Variants in CD164L2 observed in about 807,000 individuals in gnomAD.
The protein encoded by CD164L2 is CD164 sialomucin-like 2 protein.
Under a neutral mutation model 23.9 loss-of-function variants are expected in CD164L2, and 21 were observed. The ratio of observed to expected loss-of-function variants is 0.88; its 90% CI spans 0.62 to 1.27. CD164L2 has a LOEUF of 1.27. CD164L2 is among the 50% of genes most tolerant of loss of function. The pLI is 0.00. For missense variants in CD164L2, 230 were observed against 224.8 expected (o/e 1.02, Z -0.15); for synonymous variants, 92 against 90.2 (o/e 1.02, Z -0.11).
chr1:27,382,935 G>A (rs1437632844), intron 1 of CD164L2, among the ~76,000 whole-genome samples: 1 of 151,928 alleles, frequency 6.6e-6, no homozygotes, highest in Non-Finnish European at 1.5e-5. Flanking sequence ...ACCTCCCCCA[G>A]ACCACCTGAA....
rs958726145 is a variant in CD164L2, at chr1:27,379,377, C to T, written c.*126G>A. The stretch of plus-strand genomic sequence containing the variant: ...TCAGACACTGAGCCTGCTTGGTGCC[C>T]GCAGGAGCCAAAAACTGGCGGCCAG... On this transcript the variant is annotated 3_prime_UTR_variant, in exon 6 of 6. Coordinates refer to ENST00000374030, the MANE Select transcript of CD164L2 (RefSeq NM_001330448.1). 33 of 880,752 alleles carry T rather than the reference C, an allele frequency of 3.7e-5. No homozygotes were observed. The highest frequency in any genetic ancestry group is 2.3e-4 in the African/African-American group (14 of 60,038). The allele number at this position is 880,752 out of a possible 1,614,324, so 54.6% of individuals were successfully genotyped here. A position where few individuals can be genotyped will look rare whatever the true frequency, so the allele number is the denominator to read the frequency against.
chr1:27,379,331 G>C lies in CD164L2; in HGVS notation c.*172C>G. ...TCTCAGCTGCAGGTTCCAGGCCCAG[G>C]ACAGGAGGAGATGTCAGGCATCAGA... On this transcript the variant is annotated 3_prime_UTR_variant, in exon 6 of 6. Coordinates refer to ENST00000374030, the MANE Select transcript of CD164L2 (RefSeq NM_001330448.1). 1.5e-6 allele frequency: 1 copy of C among 650,284 alleles called. No homozygotes were observed. The highest frequency in any genetic ancestry group is 2.8e-6 in the Non-Finnish European group (1 of 356,916). 40.3% of individuals were successfully genotyped at this position (650,284 alleles called of 1,614,324 possible).
rs1214695453 is a variant in CD164L2, at chr1:27,381,814, G to A, written c.339C>T (p.His113=). The change falls in exon 4 of 6, where the codon CAC becomes CAT. Residue 113 remains histidine, a synonymous_variant. Coordinates refer to ENST00000374030, the MANE Select transcript of CD164L2 (RefSeq NM_001330448.1). ...CTGTCTTCGGTTCATAGGTGGGGTG[G>A]TGGTGAGCAGCTGAGGAGACAGGTG... is the stretch of plus-strand genomic sequence containing the variant. The part of the protein sequence containing the change: ...NRSEACPAAH[H]HPTYEPKTVT... The A allele has an allele frequency of 1.2e-6, 2 of 1,613,982 alleles. No homozygotes were observed. The highest frequency in any genetic ancestry group is 1.1e-5 in the South Asian group (1 of 91,078).
intron 4 of CD164L2, among the ~76,000 whole-genome samples, chr1:27,381,178 G>A (rs944203658): frequency 2.0e-5 from 3 of 152,240 alleles, no homozygotes; most frequent in Non-Finnish European, 4.4e-5. Context: ...AGGAGCAGAA[G>A]AGGGGAGAAA....
Position 27,380,189 on chromosome 1 carries a change from G to A in CD164L2, c.380C>T (p.Pro127Leu), listed in dbSNP as rs374222075. 66 of 1,613,888 alleles carry A rather than the reference G, an allele frequency of 4.1e-5. No homozygotes were observed. The highest frequency in any genetic ancestry group is 5.5e-5 in the Non-Finnish European group (65 of 1,179,950). ...AGGGCTGTGGGCCTCAGGGACTGGG[G>A]GGCTCCCTGCAGGGGTGAGGCAGGG... The part of the protein sequence containing the change: ...YEPKTVTTGS[P>L]PVPEAHSPGF... The change falls in exon 5 of 6, where the codon CCC becomes CTC. Residue 127 changes from proline to leucine, a missense_variant. Physicochemically the swap from Pro to Leu is moderately conservative, Grantham distance 98. Coordinates refer to ENST00000374030, the MANE Select transcript of CD164L2 (RefSeq NM_001330448.1).
chr1:27,383,034 C>T (rs2016370966), intron 1 of CD164L2, 118 bp downstream of exon 1: 3 of 808,016 alleles, frequency 3.7e-6, no homozygotes, highest in Admixed American at 2.4e-5. Context: ...TGGAGGCCTG[C>T]ACTTGGCCGG....
chr1:27,380,037 G>A lies in CD164L2; in HGVS notation c.518+14C>T, dbSNP rs781446752. On this transcript the variant is annotated intron_variant, in intron 5 of 5. Coordinates refer to ENST00000374030, the MANE Select transcript of CD164L2 (RefSeq NM_001330448.1). ...AGCTGGGACTCAGGTACTTGCTGCT[G>A]GCCAGGTACTCACAGCGTCTGGTAG... 1.2e-6 allele frequency: 2 copies of A among 1,612,758 alleles called. No homozygotes were observed. The highest frequency in any genetic ancestry group is 2.7e-5 in the African/African-American group (2 of 74,910).
chr1:27,379,436 AAGGGTGCCCAG>A lies in CD164L2; in HGVS notation c.*56_*66del. ...CCGCCCCCGCCCCCCGCTTACCCAC[AAGGGTGCCCAG>A]AGGCCACCCTCTGCATCCTCCTTTC... On this transcript the variant is annotated 3_prime_UTR_variant, in exon 6 of 6. Transcript: ENST00000374030. The A allele has an allele frequency of 9.3e-7, 1 of 1,075,708 alleles. No homozygotes were observed. The highest frequency in any genetic ancestry group is 1.4e-6 in the Non-Finnish European group (1 of 740,336). The allele number at this position is 1,075,708 out of a possible 1,614,324, so 66.6% of individuals were successfully genotyped here.
At chr1:27,380,264 A>G in intron 4 of CD164L2, 69 bp from the exon 5 acceptor site, 1 of 1,460,052 alleles carries the variant, frequency 6.8e-7, no homozygotes, top group Admixed American at 1.9e-5. Flanking sequence ...CTACCCTCAT[A>G]ACTGGCACAA....
Position 27,379,201 on chromosome 1 carries a change from G to C in CD164L2, c.*302C>G, listed in dbSNP as rs79734469. On this transcript the variant is annotated 3_prime_UTR_variant, in exon 6 of 6. Coordinates refer to ENST00000374030, the MANE Select transcript of CD164L2 (RefSeq NM_001330448.1). Reference sequence around the variant, plus strand: ...TGCAGTGCAGAGTTCCTTTATTTGGGGGCAGTGCCCAGGCCAGTTGGTGGA... The same window carrying C: ...TGCAGTGCAGAGTTCCTTTATTTGGCGGCAGTGCCCAGGCCAGTTGGTGGA... 1.4e-3 allele frequency: 726 copies of C among 536,092 alleles called. 7 individuals are homozygous for C. Among genetic ancestry groups the C allele is most frequent in the African/African-American group, 0.012 (651 of 52,776 alleles). 33.2% of individuals were successfully genotyped at this position (536,092 alleles called of 1,614,324 possible).
rs201875536 is a variant in CD164L2, at chr1:27,381,775, C to G, written c.373+5G>C. The G allele has an allele frequency of 7.6e-5, 122 of 1,613,938 alleles. No individual in the cohort carries two copies. The East Asian group carries it at 2.6e-3, about 35-fold the overall frequency. ...CCCACTGCCCCGTCTCCAGGGAGTA[C>G]TCACCTGTTGTGACTGTCTTCGGTT... On this transcript the variant is annotated splice_donor_5th_base_variant and intron_variant, in intron 4 of 5. Coordinates refer to ENST00000374030, the MANE Select transcript of CD164L2 (RefSeq NM_001330448.1).
chr1:27,379,695 A>G lies in CD164L2; in HGVS notation c.519-186T>C, dbSNP rs968464947. On this transcript the variant is annotated intron_variant, in intron 5 of 5. Coordinates refer to ENST00000374030, the MANE Select transcript of CD164L2 (RefSeq NM_001330448.1). ...GCTCCCCTTCTCAGAGCAAAACCCA[A>G]CTAGACACAAGGCCCAGCTCCTGCC... 9 of 1,473,080 alleles carry G rather than the reference A, an allele frequency of 6.1e-6. No individual in the cohort carries two copies. In the African/African-American group the frequency reaches 9.9e-5, roughly 16 times the overall value. The allele number at this position is 1,473,080 out of a possible 1,614,324, so 91.3% of individuals were successfully genotyped here.
chr1:27,383,184 C>A lies in CD164L2; in HGVS notation c.56G>T (p.Cys19Phe), dbSNP rs1227257537. The A allele has an allele frequency of 3.9e-6, 6 of 1,548,026 alleles. No homozygotes were observed. The highest frequency in any genetic ancestry group is 1.2e-5 in the South Asian group (1 of 83,992). ...AGCCAGCTGGGCACATAGGAGGAGG[C>A]AGCAACAGCCGCCACAGAGCGCAGT... is the stretch of plus-strand genomic sequence containing the variant. ...LRTALCGGCC[C>F]LLLCAQLAVA... is the part of the protein sequence containing the mutation. The change falls in exon 1 of 6, where the codon TGC becomes TTC. Residue 19 changes from cysteine to phenylalanine, a missense_variant. Physicochemically the swap from Cys to Phe is radical, Grantham distance 205. Coordinates refer to ENST00000374030, the MANE Select transcript of CD164L2 (RefSeq NM_001330448.1).
chr1:27,379,379 C>CCGTATCATTAAAA lies in CD164L2; in HGVS notation c.*123_*124insTTTTAATGATACG. On this transcript the variant is annotated 3_prime_UTR_variant, in exon 6 of 6. Transcript: ENST00000374030. ...AGACACTGAGCCTGCTTGGTGCCCG[C>CCGTATCATTAAAA]AGGAGCCAAAAACTGGCGGCCAGAG... 1.1e-6 allele frequency: 1 copy of CCGTATCATTAAAA among 899,676 alleles called. No homozygotes were observed. Among genetic ancestry groups the CCGTATCATTAAAA allele is most frequent in the South Asian group, 1.5e-5 (1 of 68,482 alleles). The allele number at this position is 899,676 out of a possible 1,614,324, so 55.7% of individuals were successfully genotyped here.
In CD164L2 at chr1:27,379,612, C is replaced by T; in HGVS notation, c.519-103G>A. 3 of 1,547,688 alleles carry T rather than the reference C, an allele frequency of 1.9e-6. No individual in the cohort carries two copies. In the South Asian group the frequency reaches 3.6e-5, roughly 18 times the overall value. ...AGCAGAGGAAGAGCAAACACTTTAA[C>T]ACAGGCTGTGGCGACCCGCCCCACA... On this transcript the variant is annotated intron_variant, in intron 5 of 5. Transcript: ENST00000374030.
intron 4 of CD164L2, 34 bp downstream of exon 4, chr1:27,381,746 T>A (rs753106250): frequency 3.1e-6 from 5 of 1,611,620 alleles, no homozygotes; most frequent in Non-Finnish European, 4.2e-6. Context: ...GCACCTCTGC[T>A]CCTCCCACTG....
At chr1:27,382,156 G>C in intron 3 of CD164L2, 172 bp downstream of exon 3, 1 of 1,548,028 alleles carries the variant, frequency 6.5e-7, no homozygotes, top group Non-Finnish European at 8.7e-7. Flanking sequence ...TTCAGATGAG[G>C]AAATAGGCAG....
chr1:27,382,658 G>T lies in CD164L2; in HGVS notation c.98C>A (p.Ala33Asp). Residue 33 changes from alanine (A) to aspartate (D), a missense_variant, in exon 2 of 6, where the codon GCT (alanine) becomes GAT (aspartate). Transcript: ENST00000374030. Reference protein sequence around the residue: ...CAQLAVAGKGARGFGRGALIR... With the variant: ...CAQLAVAGKGDRGFGRGALIR... ...CAGGGCTCCCCTCCCAAAGCCTCGAGCTCCTTTACCTGGTAGTGCGGTGGA... is the reference window on the plus strand; with the variant it reads ...CAGGGCTCCCCTCCCAAAGCCTCGATCTCCTTTACCTGGTAGTGCGGTGGA... The T allele has an allele frequency of 6.2e-7, 1 of 1,611,304 alleles. No individual in the cohort carries two copies. The highest frequency in any genetic ancestry group is 8.5e-7 in the Non-Finnish European group (1 of 1,179,390).
At chr1:27,379,822 TG>T in intron 5 of CD164L2, 1 of 1,454,754 alleles carries the variant, frequency 6.9e-7, no homozygotes, top group South Asian at 1.4e-5. Flanking sequence ...AGGGCTCAGC[TG>T]GGCTCCTAGA....
Sources: gnomAD v4.1 joint callset for allele counts (sites outside exome capture counted in the v4.1 genomes callset) on GRCh38, gnomAD v4.1.1 for gene constraint, MANE v1.5 for transcripts, NCBI Gene and HGNC (gene_info 2026-07-23, HGNC 2026-07-21) for gene names.